The following LRRC7 variants were observed in gnomAD, a reference collection of about 807,000 sequenced individuals.
The protein encoded by LRRC7 is leucine-rich repeat-containing protein 7.
A neutral mutation model predicts 175.7 loss-of-function variants in LRRC7; 23 were observed. The observed-to-expected ratio is 0.13, with a 90% CI of 0.09 to 0.19. The LOEUF is 0.19. LRRC7 is among the 10% of genes least tolerant of loss of function. The probability of loss-of-function intolerance (pLI) is 1.00; values close to 1 mark genes in which losing one functional copy is unlikely to be tolerated. For missense variants in LRRC7, 1,354 were observed against 1,904.7 expected (o/e 0.71, Z 5.38); for synonymous variants, 685 against 680.9 (o/e 1.01, Z -0.09).
chr1:69,756,443 A>C (rs996889498), intron 2 of LRRC7, among the ~76,000 whole-genome samples: 3 of 151,862 alleles, frequency 2.0e-5, no homozygotes, highest in African/African-American at 7.2e-5. Flanking sequence ...CTAGTATGAT[A>C]GATTAAAAAA....
chr1:70,020,453 G>C (rs367884015), intron 15 of LRRC7, among the ~76,000 whole-genome samples: 1 of 151,966 alleles, frequency 6.6e-6, no homozygotes, highest in African/African-American at 2.4e-5. Flanking sequence ...AAAGGAAAAG[G>C]TTGCAATCTT....
intron 1 of LRRC7, among the ~76,000 whole-genome samples, chr1:69,642,811 C>CATAGATAGATAG (rs142950544): frequency 0.066 from 9,784 of 147,188 alleles, 316 homozygotes; most frequent in East Asian, 0.082. Flanking sequence ...ACAGATGATA[C>CATAGATAGATAG]ATAGATAGAT....
chr1:69,903,170 A>T (rs1417358356), intron 7 of LRRC7, among the ~76,000 whole-genome samples: 2 of 152,186 alleles, frequency 1.3e-5, no homozygotes, highest in Non-Finnish European at 1.5e-5. Flanking sequence ...TTGCCATTGC[A>T]CCAGAGAGCT....
intron 3 of LRRC7, among the ~76,000 whole-genome samples, chr1:69,779,743 G>A (rs1034827389): frequency 6.6e-6 from 1 of 152,174 alleles, no homozygotes; most frequent in African/African-American, 2.4e-5. Flanking sequence ...ATCTATTGTA[G>A]TCACAATCTT....
chr1:69,998,986 G>T (rs1382258286), intron 11 of LRRC7, among the ~76,000 whole-genome samples: 1 of 152,162 alleles, frequency 6.6e-6, no homozygotes, highest in African/African-American at 2.4e-5. Flanking sequence ...CCTGATGCCA[G>T]ACTTTGCCTC....
intron 10 of LRRC7, among the ~76,000 whole-genome samples, chr1:69,989,026 A>T (rs1229751639): frequency 1.3e-5 from 2 of 152,360 alleles, no homozygotes; most frequent in East Asian, 3.9e-4. Context: ...TATTTTAAGC[A>T]TGTATAGAAC....
chr1:70,127,948 G>A lies in LRRC7; in HGVS notation c.*6061G>A, dbSNP rs1666514509. Among the ~76,000 whole-genome samples the A allele has an allele frequency of 6.6e-6, 1 of 151,970 alleles. No individual in the cohort carries two copies. The highest frequency in any genetic ancestry group is 2.4e-5 in the African/African-American group (1 of 41,390). On this transcript the variant is annotated 3_prime_UTR_variant, in exon 27 of 27. Coordinates refer to ENST00000651989, the MANE Select transcript of LRRC7 (RefSeq NM_001370785.2). ...CCTTTTTTGAAAAAAAGACTTTTAT[G>A]TGACTTTTTCTTTTCTTTCTTTTTT...
intron 1 of LRRC7, among the ~76,000 whole-genome samples, chr1:69,631,664 T>C (rs1399293872): frequency 6.6e-6 from 1 of 152,126 alleles, no homozygotes; most frequent in Non-Finnish European, 1.5e-5. Flanking sequence ...CATTTTGTTA[T>C]CAAAGGTGGG....
intron 1 of LRRC7, among the ~76,000 whole-genome samples, chr1:69,609,596 A>G (rs1648371906): frequency 1.3e-5 from 2 of 152,062 alleles, no homozygotes; most frequent in Admixed American, 1.3e-4. Flanking sequence ...TAATGCTTAA[A>G]TGAGTTTAAT....
At chr1:69,796,449 C>G (rs1302685649) in intron 4 of LRRC7, among the ~76,000 whole-genome samples, 2 of 152,046 alleles carry the variant, frequency 1.3e-5, no homozygotes, top group Non-Finnish European at 2.9e-5. Context: ...TTCCTCCCTA[C>G]TGCTGTACCC....
At chr1:69,781,759 G>GAA (rs1557719794) in intron 3 of LRRC7, among the ~76,000 whole-genome samples, 12 of 42,184 alleles carry the variant, frequency 2.8e-4, no homozygotes, top group South Asian at 8.1e-4. Context: ...GAGAGAGAGA[G>GAA]AGAGAGAAAG....
In LRRC7 at chr1:69,927,213, C is replaced by T. The variant is rs186140112; in HGVS notation, c.648-4294C>T. On this transcript the variant is annotated intron_variant, in intron 7 of 26. Coordinates refer to ENST00000651989, the MANE Select transcript of LRRC7 (RefSeq NM_001370785.2). Reference sequence around the variant, plus strand: ...GATGGGCTTCCCTTTGTGGGTAACCCGACCTTTCTCTCTGGCTGCCCTTAA... The same window carrying T: ...GATGGGCTTCCCTTTGTGGGTAACCTGACCTTTCTCTCTGGCTGCCCTTAA... Among the ~76,000 whole-genome samples the T allele has an allele frequency of 5.1e-3, 771 of 152,246 alleles. 9 individuals carry two copies. The highest frequency in any genetic ancestry group is 0.018 in the African/African-American group (749 of 41,542).
intron 4 of LRRC7, among the ~76,000 whole-genome samples, chr1:69,819,145 A>G (rs1678935672): frequency 6.6e-6 from 1 of 151,926 alleles, no homozygotes; most frequent in South Asian, 2.1e-4. Flanking sequence ...TTGAAGTGTA[A>G]AGTTAGCTTG....
chr1:70,126,577 T>G lies in LRRC7; in HGVS notation c.*4690T>G, dbSNP rs1412563159. On this transcript the variant is annotated 3_prime_UTR_variant, in exon 27 of 27. Transcript: ENST00000651989. ...CCACCTTCTGTTAAGAAAAGCATCT[T>G]GCCTTGGCTCAGAATATTTCCCATC... Among the ~76,000 whole-genome samples the G allele has an allele frequency of 6.6e-6, 1 of 152,116 alleles. No individual in the cohort carries two copies. Among genetic ancestry groups the G allele is most frequent in the Non-Finnish European group, 1.5e-5 (1 of 68,032 alleles).
intron 7 of LRRC7, among the ~76,000 whole-genome samples, chr1:69,868,723 T>G (rs1685193082): frequency 6.6e-6 from 1 of 152,048 alleles, no homozygotes; most frequent in Non-Finnish European, 1.5e-5. Flanking sequence ...GCCACAGACT[T>G]GTTGGACTAA....
chr1:69,732,874 T>C (rs1394169352), intron 2 of LRRC7, among the ~76,000 whole-genome samples: 1 of 151,906 alleles, frequency 6.6e-6, no homozygotes, highest in Non-Finnish European at 1.5e-5. Context: ...ATATTTATGG[T>C]TAATAGGGAT....
chr1:69,612,094 G>A (rs1174359767), intron 1 of LRRC7, among the ~76,000 whole-genome samples: 1 of 151,926 alleles, frequency 6.6e-6, no homozygotes, highest in African/African-American at 2.4e-5. Context: ...ATTTAATGAT[G>A]TCTTAGAATA....
chr1:69,799,883 C>T (rs1676260541), intron 4 of LRRC7, among the ~76,000 whole-genome samples: 1 of 152,026 alleles, frequency 6.6e-6, no homozygotes, highest in African/African-American at 2.4e-5. Context: ...TTCATGTTTA[C>T]ATTTAAGTCT....
At chr1:69,662,048 G>A (rs1020514701) in intron 1 of LRRC7, among the ~76,000 whole-genome samples, 31 of 152,162 alleles carry the variant, frequency 2.0e-4, no homozygotes, top group Admixed American at 1.3e-4. Context: ...CTTTGCTCAG[G>A]TGGGAAGATT....
Sources: gnomAD v4.1 joint callset for allele counts (sites outside exome capture counted in the v4.1 genomes callset) on GRCh38, gnomAD v4.1.1 for gene constraint, MANE v1.5 for transcripts, NCBI Gene and HGNC (gene_info 2026-07-23, HGNC 2026-07-21) for gene names.